The following NALCN variants were observed in gnomAD, a reference collection of about 807,000 sequenced individuals.
NALCN encodes the protein sodium leak channel NALCN.
Under a neutral mutation model 225.3 loss-of-function variants are expected in NALCN, and 111 were observed. That is an observed-to-expected ratio of 0.49 (90% CI 0.42 to 0.58). NALCN has a LOEUF of 0.58. Ranked by LOEUF, NALCN falls within the 20% of genes least tolerant of loss-of-function variation. The pLI is 0.00. For synonymous variants in NALCN, 764 were observed against 769.0 expected, an observed-to-expected ratio of 0.99 and a Z score of 0.11; for missense variants, 1,378 against 2,202.4, an observed-to-expected ratio of 0.63 and a Z score of 7.49.
At chr13:101,339,124 G>C (rs1273389822) in intron 7 of NALCN, among the ~76,000 whole-genome samples, 1 of 152,164 alleles carries the variant, frequency 6.6e-6, no homozygotes, top group African/African-American at 2.4e-5. Context: ...CTGAAAGTGG[G>C]GTAAGTATTC....
chr13:101,110,747 G>C (rs901427841), intron 19 of NALCN, 59 bp from the exon 20 acceptor site: 1 of 1,541,688 alleles, frequency 6.5e-7, no homozygotes, highest in Non-Finnish European at 9.0e-7. Flanking sequence ...CTTTCAAGCA[G>C]TGACCATGAT....
At chr13:101,070,501 A>C (rs1421593581) in intron 37 of NALCN, among the ~76,000 whole-genome samples, 2 of 152,212 alleles carry the variant, frequency 1.3e-5, no homozygotes, top group South Asian at 2.1e-4. Flanking sequence ...AAATAATAAG[A>C]CTTGAAAGTT....
chr13:101,153,668 G>C (rs2037763444), intron 15 of NALCN, among the ~76,000 whole-genome samples: 1 of 152,094 alleles, frequency 6.6e-6, no homozygotes, highest in Admixed American at 6.5e-5. Context: ...GGCAAAGTCA[G>C]CGTATTTCCC....
intron 7 of NALCN, among the ~76,000 whole-genome samples, chr13:101,325,774 A>T (rs536762236): frequency 2.0e-4 from 31 of 152,342 alleles, no homozygotes; most frequent in African/African-American, 7.2e-4. Flanking sequence ...ACAAGATGGT[A>T]AGAATATGTA....
intron 13 of NALCN, among the ~76,000 whole-genome samples, chr13:101,217,105 T>A (rs1291482441): frequency 6.6e-6 from 1 of 152,054 alleles, no homozygotes; most frequent in Non-Finnish European, 1.5e-5. Flanking sequence ...GTTTACTGCA[T>A]TTATTTCAGT....
chr13:101,068,831 T>C lies in NALCN; in HGVS notation c.4198-4A>G. The C allele has an allele frequency of 1.2e-6, 2 of 1,600,908 alleles. No homozygotes were observed. Among genetic ancestry groups the C allele is most frequent in the Non-Finnish European group, 1.7e-6 (2 of 1,175,158 alleles). On this transcript the variant is annotated splice_region_variant and splice_polypyrimidine_tract_variant and intron_variant, in intron 37 of 43. Coordinates refer to ENST00000251127, the MANE Select transcript of NALCN (RefSeq NM_052867.4). ...GAGTACAAAACGGAGGCTGAACCTT[T>C]GGGGCATTGGGGTGGAAGAAGGAGA...
intron 7 of NALCN, among the ~76,000 whole-genome samples, chr13:101,310,429 C>T (rs1414655334): frequency 2.0e-5 from 3 of 152,106 alleles, no homozygotes; most frequent in South Asian, 4.2e-4. Flanking sequence ...AAGGGCTGTT[C>T]CCGATGCCCT....
rs532706631 is a variant in NALCN, at chr13:101,099,099, T to C, written c.3162+1685A>G. ...AATATACTGAGTCATCCAAGATTCC[T>C]AGCAGGCTTCATCCTGAAGTGTTAT... On this transcript the variant is annotated intron_variant, in intron 27 of 43. Transcript: ENST00000251127. 2.0e-5 allele frequency among the ~76,000 whole-genome samples: 3 copies of C among 147,186 alleles called. 1 individual carries two copies. Among genetic ancestry groups the C allele is most frequent in the African/African-American group, 8.2e-5 (3 of 36,798 alleles).
At chr13:101,171,801 C>G (rs979716657) in intron 15 of NALCN, among the ~76,000 whole-genome samples, 1 of 152,196 alleles carries the variant, frequency 6.6e-6, no homozygotes, top group Non-Finnish European at 1.5e-5. Flanking sequence ...CTTTTACTTT[C>G]TCCTCTGGAT....
At chr13:101,236,658 G>A (rs1229245573) in intron 12 of NALCN, among the ~76,000 whole-genome samples, 1 of 150,470 alleles carries the variant, frequency 6.6e-6, no homozygotes, top group African/African-American at 2.4e-5. Flanking sequence ...GTAAACTATC[G>A]CAAGAACAAA....
At chr13:101,234,726 A>G (rs1047491048) in intron 12 of NALCN, among the ~76,000 whole-genome samples, 2 of 152,254 alleles carry the variant, frequency 1.3e-5, no homozygotes, top group African/African-American at 4.8e-5. Context: ...TCACCTAATC[A>G]TTAACATAAA....
chr13:101,284,559 T>C (rs1236402190), intron 9 of NALCN, among the ~76,000 whole-genome samples: 3 of 152,168 alleles, frequency 2.0e-5, no homozygotes, highest in South Asian at 2.1e-4. Context: ...GCGTGTGGCA[T>C]AGGGAAAGAA....
chr13:101,148,799 A>C (rs1374023978), intron 15 of NALCN, among the ~76,000 whole-genome samples: 1 of 152,224 alleles, frequency 6.6e-6, no homozygotes, highest in Non-Finnish European at 1.5e-5. Context: ...CTGGGAAATA[A>C]AAGAAAAGAT....
intron 17 of NALCN, among the ~76,000 whole-genome samples, chr13:101,136,353 G>A (rs949150712): frequency 2.0e-5 from 3 of 151,602 alleles, no homozygotes; most frequent in Admixed American, 6.6e-5. Context: ...TGTGCACAAC[G>A]TGCAGGTTTG....
chr13:101,273,891 A>AC (rs2042885966), intron 10 of NALCN, among the ~76,000 whole-genome samples: 3 of 150,398 alleles, frequency 2.0e-5, no homozygotes, highest in African/African-American at 7.3e-5. Flanking sequence ...TCTCAAAAAA[A>AC]AAAAAAAAAA....
chr13:101,068,513 T>C (rs985557235), intron 38 of NALCN, among the ~76,000 whole-genome samples, 182 bp downstream of exon 38: 1 of 152,230 alleles, frequency 6.6e-6, no homozygotes, highest in Non-Finnish European at 1.5e-5. Context: ...AAAATTGCAG[T>C]CAACTGTCAT....
chr13:101,342,789 T>G (rs2139288268), intron 7 of NALCN, among the ~76,000 whole-genome samples: 1 of 152,308 alleles, frequency 6.6e-6, no homozygotes, highest in Middle Eastern at 3.4e-3. Flanking sequence ...CTCTTCAATC[T>G]TACAACAGGG....
intron 14 of NALCN, among the ~76,000 whole-genome samples, chr13:101,179,344 C>T (rs2039095813): frequency 6.6e-6 from 1 of 152,012 alleles, no homozygotes; most frequent in Non-Finnish European, 1.5e-5. Context: ...CCCGAGCAAC[C>T]CTGACATGTA....
chr13:101,165,891 C>T (rs995662634), intron 15 of NALCN, among the ~76,000 whole-genome samples: 4 of 152,248 alleles, frequency 2.6e-5, no homozygotes, highest in African/African-American at 9.6e-5. Flanking sequence ...ACCCATTGAA[C>T]AACAATGGGT....
Sources: gnomAD v4.1 joint callset for allele counts (sites outside exome capture counted in the v4.1 genomes callset) on GRCh38, gnomAD v4.1.1 for gene constraint, MANE v1.5 for transcripts, NCBI Gene and HGNC (gene_info 2026-07-23, HGNC 2026-07-21) for gene names.